Variants in HMCN2 observed in about 807,000 individuals in gnomAD.
HMCN2 encodes hemicentin-2.
Under a neutral mutation model 377.5 loss-of-function variants are expected in HMCN2, and 325 were observed. That is an observed-to-expected ratio of 0.86 (90% confidence interval 0.79 to 0.94). HMCN2 has a LOEUF of 0.94. HMCN2 is among the 40% of genes least tolerant of loss of function. The pLI is 0.00. For synonymous variants in HMCN2, 2,007 were observed against 2,046.8 expected, an observed-to-expected ratio of 0.98 and a Z score of 0.53; for missense variants, 4,543 against 4,725.3, an observed-to-expected ratio of 0.96 and a Z score of 1.13.
chr9:130,330,331 G>A (rs1651119178), intron 22 of HMCN2, among the ~76,000 whole-genome samples: 1 of 152,154 alleles, frequency 6.6e-6, no homozygotes, highest in African/African-American at 2.4e-5. Flanking sequence ...TGAGAGCCAA[G>A]ATGTGCTGAG....
At chr9:130,291,572 A>T (rs1588182802) in intron 4 of HMCN2, among the ~76,000 whole-genome samples, 2 of 152,354 alleles carry the variant, frequency 1.3e-5, no homozygotes, top group South Asian at 4.1e-4. Context: ...AATTTCCAAG[A>T]TGCAGAAAAG....
intron 8 of HMCN2, among the ~76,000 whole-genome samples, chr9:130,301,651 G>A (rs1299145173): frequency 2.0e-5 from 3 of 152,242 alleles, no homozygotes; most frequent in African/African-American, 7.2e-5. Context: ...CCCCCCCCGG[G>A]ACAGATGTGG....
At position 130,391,438 on chromosome 9, in the gene HMCN2, TC is replaced by T; in HGVS notation, c.9828-9del. On this transcript the variant is annotated splice_polypyrimidine_tract_variant and intron_variant, in intron 64 of 97. Transcript: ENST00000683500. ...TTACGCCTCTGCCCTGGGCCCTCCT[TC>T]CCTGTGGCAGGTTCTACCTGGACGG... The T allele has an allele frequency of 1.0e-6, 1 of 987,884 alleles. No individual in the cohort carries two copies. The allele number at this position is 987,884 out of a possible 1,614,324, so 61.2% of individuals were successfully genotyped here. A position where few individuals can be genotyped will look rare whatever the true frequency, so the allele number is the denominator to read the frequency against.
rs1012691959 is a variant in HMCN2, at chr9:130,268,542, C to T, written c.259+2405C>T. ...TGACATGTGGTGGCTCAGGTGCCAA[C>T]TCCTGGCCATGGGCCAGTAAGCAAG... On this transcript the variant is annotated intron_variant, in intron 1 of 97. Transcript: ENST00000683500. Among the ~76,000 whole-genome samples, 18 of 149,236 alleles carry T rather than the reference C, an allele frequency of 1.2e-4. 2 individuals carry two copies. Among genetic ancestry groups the T allele is most frequent in the Non-Finnish European group, 2.1e-4 (14 of 66,342 alleles).
At chr9:130,370,172 G>C (rs979504951) in intron 45 of HMCN2, among the ~76,000 whole-genome samples, 2 of 152,130 alleles carry the variant, frequency 1.3e-5, no homozygotes, top group African/African-American at 4.8e-5. Flanking sequence ...GTATGTGATG[G>C]GGAGAATTCA....
intron 77 of HMCN2, 139 bp from the exon 78 acceptor site, chr9:130,402,650 A>G (rs1842909179): frequency 7.2e-6 from 3 of 416,630 alleles, no homozygotes; most frequent in East Asian, 7.4e-5. Flanking sequence ...CCATACAGTC[A>G]CATCCCCCAG....
chr9:130,272,886 A>G (rs1834477342), intron 1 of HMCN2, among the ~76,000 whole-genome samples: 1 of 152,118 alleles, frequency 6.6e-6, no homozygotes, highest in Non-Finnish European at 1.5e-5. Flanking sequence ...CATATTCTTC[A>G]TTTGCAAAAG....
intron 24 of HMCN2, among the ~76,000 whole-genome samples, chr9:130,341,686 A>G (rs1402649231): frequency 6.6e-6 from 1 of 152,166 alleles, no homozygotes; most frequent in Non-Finnish European, 1.5e-5. Flanking sequence ...CTGGAGCAGT[A>G]ACCAGGGAGT....
At chr9:130,309,097 A>G (rs1157451379) in intron 14 of HMCN2, among the ~76,000 whole-genome samples, 3 of 152,264 alleles carry the variant, frequency 2.0e-5, no homozygotes, top group Non-Finnish European at 4.4e-5. Context: ...CAGATCGTCA[A>G]TCTTATGTTA....
chr9:130,343,766 C>T (rs1481826637), intron 25 of HMCN2, among the ~76,000 whole-genome samples: 1 of 152,260 alleles, frequency 6.6e-6, no homozygotes, highest in Admixed American at 6.5e-5. Context: ...AGGCCTGCCG[C>T]CTGGGCTGCC....
At position 130,403,261 on chromosome 9, in the gene HMCN2, C is replaced by T; in HGVS notation, c.11946C>T (p.Pro3982=). ...RAVAEEEVLL[P]CEASGIPRPT... ...TGGCAGAGGAGGAGGTGCTGCTGCCCTGCGAGGCCTCAGGCATCCCCCGGC... is the reference window on the plus strand; with the variant it reads ...TGGCAGAGGAGGAGGTGCTGCTGCCTTGCGAGGCCTCAGGCATCCCCCGGC... Residue 3982 remains proline (P), a synonymous_variant, in exon 79 of 98, where the codon CCC becomes CCT. Transcript: ENST00000683500. 1 of 1,289,808 alleles carries T rather than the reference C, an allele frequency of 7.8e-7. No homozygotes were observed. The highest frequency in any genetic ancestry group is 1.0e-6 in the Non-Finnish European group (1 of 988,858). The allele number at this position is 1,289,808 out of a possible 1,614,324, so 79.9% of individuals were successfully genotyped here.
chr9:130,369,957 C>T lies in HMCN2; in HGVS notation c.7069+106C>T. The T allele has an allele frequency of 1.6e-6, 1 of 636,130 alleles. No homozygotes were observed. 39.4% of individuals were successfully genotyped at this position (636,130 alleles called of 1,614,324 possible). A position where few individuals can be genotyped will look rare whatever the true frequency, so the allele number is the denominator to read the frequency against. The stretch of plus-strand genomic sequence containing the variant: ...CTCAGGCTGTGATCCTGGGGTCACA[C>T]CTGTTCTTTCTGGAGTCAGGGCTCT... On this transcript the variant is annotated intron_variant, in intron 45 of 97. Coordinates refer to ENST00000683500, the MANE Select transcript of HMCN2 (RefSeq NM_001291815.2). This position sits in a 1 kb window ranked among gnomAD's most constrained non-coding sequence, Gnocchi z 4.5.
intron 1 of HMCN2, among the ~76,000 whole-genome samples, chr9:130,278,832 C>T (rs113393216): frequency 1.9e-3 from 285 of 151,610 alleles, no homozygotes; most frequent in African/African-American, 6.6e-3. Context: ...CCACCCGCCT[C>T]GGCTTCCCAA....
Position 130,431,464 on chromosome 9 carries a change from C to A in HMCN2, c.14745C>A (p.Leu4915=), listed in dbSNP as rs1392741112. 5 of 1,549,652 alleles carry A rather than the reference C, an allele frequency of 3.2e-6. No individual in the cohort carries two copies. The East Asian group carries it at 7.3e-5, about 23-fold the overall frequency. Residue 4915 remains leucine (L), a synonymous_variant, in exon 96 of 98, where the codon CTC becomes CTA. Transcript: ENST00000683500. ...TGTGCCCCGCCGGCTACCGTCTGCTCCCCAGCGGGAAGAACTGCCAGGGTG... is the reference window on the plus strand; with the variant it reads ...TGTGCCCCGCCGGCTACCGTCTGCTACCCAGCGGGAAGAACTGCCAGGGTG... ...QCLCPAGYRL[L]PSGKNCQDIN... is the part of the protein sequence containing the mutation.
chr9:130,306,105 G>A (rs1284939532), intron 11 of HMCN2, 24 bp from the exon 12 acceptor site: 23 of 470,610 alleles, frequency 4.9e-5, no homozygotes, highest in Admixed American at 3.1e-4. Context: ...GCTCATCCTC[G>A]CCTATCCACT....
At chr9:130,349,983 A>C in intron 29 of HMCN2, among the ~76,000 whole-genome samples, 1 of 135,906 alleles carries the variant, frequency 7.4e-6, no homozygotes, top group African/African-American at 2.7e-5. Context: ...CTGCAGCCTC[A>C]AACTCCTGGG....
In HMCN2 at chr9:130,428,064, G is replaced by C. The variant is rs1394660671; in HGVS notation, c.14066-294G>C. On this transcript the variant is annotated intron_variant, in intron 92 of 97. Transcript: ENST00000683500. This position sits in a 1 kb window ranked among gnomAD's most constrained non-coding sequence, Gnocchi z 5.0. The stretch of plus-strand genomic sequence containing the variant: ...GCATCCCTGCACTCCCACCGGGAGG[G>C]CCTGGTGCTGCCAAGTCTCCGCTGG... 2.0e-4 allele frequency among the ~76,000 whole-genome samples: 30 copies of C among 152,206 alleles called. No individual in the cohort carries two copies. Among genetic ancestry groups the C allele is most frequent in the Admixed American group, 2.0e-3 (30 of 15,290 alleles).
At chr9:130,325,298 G>A (rs975168973) in intron 19 of HMCN2, among the ~76,000 whole-genome samples, 13 of 151,578 alleles carry the variant, frequency 8.6e-5, no homozygotes, top group African/African-American at 3.2e-4. Flanking sequence ...GTTTCACCAA[G>A]TTGGCCAGGC....
In HMCN2 at chr9:130,430,466, T is replaced by A. The variant is rs1302868547; in HGVS notation, c.14509T>A (p.Trp4837Arg). 1.3e-6 allele frequency: 2 copies of A among 1,550,576 alleles called. No individual in the cohort carries two copies. Residue 4837 changes from tryptophan to arginine, a missense_variant, in exon 95 of 98, where the codon TGG becomes AGG. Physicochemically the swap from Trp to Arg is moderately radical, Grantham distance 101. This residue lies in a region of HMCN2 where 1,155 missense variants were observed against 1,157.7 expected (regional missense o/e 1.00). Coordinates refer to ENST00000683500, the MANE Select transcript of HMCN2 (RefSeq NM_001291815.2). ...TVSHRGPLLP[W>R]LRPWASIPGT... ...CAGCCACCGAGGCCCTCTATTGCCC[T>A]GGCTGCGGCCCTGGGCCTCGATCCC...
Sources: gnomAD v4.1 joint callset for allele counts (sites outside exome capture counted in the v4.1 genomes callset) on GRCh38, gnomAD v4.1.1 for gene constraint, gnomAD v4.1.1 regional missense constraint, Gnocchi (gnomAD v3.1) non-coding constraint, MANE v1.5 for transcripts, NCBI Gene and HGNC (gene_info 2026-07-23, HGNC 2026-07-21) for gene names.